PLCB4: variants seen among roughly 807,000 people sequenced by gnomAD.
PLCB4 encodes phospholipase C beta 4, also known as 1-phosphatidylinositol 4,5-bisphosphate phosphodiesterase beta-4.
PLCB4 carries 77 observed loss-of-function variants against 178.8 expected under a neutral mutation model. The ratio of observed to expected loss-of-function variants is 0.43; its 90% CI spans 0.36 to 0.52. The LOEUF is 0.52. PLCB4 is among the 20% of genes least tolerant of loss of function. The probability of loss-of-function intolerance (pLI) is 0.00; values close to 1 mark genes in which losing one functional copy is unlikely to be tolerated. For missense variants in PLCB4, 1,024 were observed against 1,453.4 expected (o/e 0.70, Z 4.80); for synonymous variants, 496 against 490.8 (o/e 1.01, Z -0.14).
At chr20:9,368,787 G>T (rs1195710924) in intron 9 of PLCB4, among the ~76,000 whole-genome samples, 2 of 152,116 alleles carry the variant, frequency 1.3e-5, no homozygotes, top group Non-Finnish European at 2.9e-5. Flanking sequence ...AAGTCCCCCG[G>T]AATAGAATTT....
chr20:9,203,052 A>ATATATAT (rs1555875389), intron 2 of PLCB4, among the ~76,000 whole-genome samples: 2 of 131,214 alleles, frequency 1.5e-5, no homozygotes, highest in African/African-American at 6.6e-5. Context: ...AAAAAAAAAA[A>ATATATAT]AAAAATATAT....
chr20:9,284,216 G>A (rs1253948764), intron 3 of PLCB4, among the ~76,000 whole-genome samples: 1 of 151,948 alleles, frequency 6.6e-6, no homozygotes, highest in Non-Finnish European at 1.5e-5. Context: ...GCCAGGAAAA[G>A]CATCTTAGAT....
At chr20:9,435,310 ATATCAGGAAAAACTTTG>A (rs1341584853) in intron 28 of PLCB4, among the ~76,000 whole-genome samples, 2 of 152,250 alleles carry the variant, frequency 1.3e-5, no homozygotes, top group African/African-American at 4.8e-5. Context: ...TGCCTCCTTC[ATATCAGGAAAAACTTTG>A]TATCAGGAAA....
rs114016488 is a variant in PLCB4 at position 9,449,895 on chromosome 20, G to A, written c.2881-3452G>A. ...GGAAAGGGGCAGAGACACAGCAGTT[G>A]CCCTCAGAGTCCGCCTATTGGTAAT... On this transcript the variant is annotated intron_variant, in intron 32 of 39. Coordinates refer to ENST00000378473, the MANE Select transcript of PLCB4 (RefSeq NM_001377142.1). Among the ~76,000 whole-genome samples, 515 of 152,264 alleles carry A rather than the reference G, an allele frequency of 3.4e-3. 3 individuals carry two copies. Among genetic ancestry groups the A allele is most frequent in the African/African-American group, 0.012 (494 of 41,560 alleles).
At chr20:9,402,296 G>A (rs150431446) in intron 20 of PLCB4, among the ~76,000 whole-genome samples, 3 of 152,310 alleles carry the variant, frequency 2.0e-5, no homozygotes, top group Non-Finnish European at 4.4e-5. Flanking sequence ...AACGCAAAGG[G>A]TCAAGAGGAA....
chr20:9,240,599 C>T (rs1416777770), intron 3 of PLCB4, among the ~76,000 whole-genome samples: 3 of 152,162 alleles, frequency 2.0e-5, no homozygotes, highest in African/African-American at 4.8e-5. Context: ...ATTCCCTGCG[C>T]CAGCTCCAAG....
chr20:9,356,025 A>G (rs1419766634), intron 7 of PLCB4, among the ~76,000 whole-genome samples: 1 of 151,932 alleles, frequency 6.6e-6, no homozygotes, highest in Non-Finnish European at 1.5e-5. Flanking sequence ...TGTGGTTTTG[A>G]TTTGCATTTC....
chr20:9,266,108 G>C (rs1284526148), intron 3 of PLCB4, among the ~76,000 whole-genome samples: 1 of 152,210 alleles, frequency 6.6e-6, no homozygotes, highest in Admixed American at 6.5e-5. Context: ...GCAGCTTCAA[G>C]TGGAAAGGTA....
chr20:9,186,297 T>A (rs1345326067), intron 2 of PLCB4, among the ~76,000 whole-genome samples: 2 of 152,176 alleles, frequency 1.3e-5, no homozygotes, highest in African/African-American at 4.8e-5. Flanking sequence ...GAAAGTTTTT[T>A]AAAAAATAGT....
chr20:9,416,517 G>C (rs772969468), intron 25 of PLCB4, among the ~76,000 whole-genome samples: 3 of 152,142 alleles, frequency 2.0e-5, no homozygotes, highest in African/African-American at 4.8e-5. Flanking sequence ...AGTCTGTGTC[G>C]GTTTTCCTTC....
intron 25 of PLCB4, among the ~76,000 whole-genome samples, chr20:9,417,984 G>A (rs545136348): frequency 1.3e-5 from 2 of 151,938 alleles, no homozygotes; most frequent in South Asian, 2.1e-4. Flanking sequence ...TGTGCTTCTT[G>A]GTTTTTTGTA....
At chr20:9,332,470 T>C (rs147632095) in intron 4 of PLCB4, among the ~76,000 whole-genome samples, 233 of 152,350 alleles carry the variant, frequency 1.5e-3, no homozygotes, top group Non-Finnish European at 2.6e-3. Context: ...TCCCTCAGAT[T>C]TGCTCTGTGA....
chr20:9,071,843 G>C (rs1270332053), intron 1 of PLCB4, among the ~76,000 whole-genome samples: 2 of 152,108 alleles, frequency 1.3e-5, no homozygotes, highest in Non-Finnish European at 2.9e-5. Context: ...CTAAATTTTT[G>C]TTTGTGATCA....
At chr20:9,371,929 T>C (rs1455696058) in intron 10 of PLCB4, among the ~76,000 whole-genome samples, 2 of 152,208 alleles carry the variant, frequency 1.3e-5, no homozygotes, top group Non-Finnish European at 2.9e-5. Context: ...ATTCACAAAA[T>C]AAGCATAATT....
chr20:9,156,851 C>CCTT (rs2092799971), intron 2 of PLCB4, among the ~76,000 whole-genome samples: 3 of 88,956 alleles, frequency 3.4e-5, no homozygotes, highest in Non-Finnish European at 6.7e-5. Context: ...CTCCCTCCCT[C>CCTT]CCTTCCTTCC....
intron 2 of PLCB4, among the ~76,000 whole-genome samples, chr20:9,190,708 C>T (rs545134180): frequency 9.9e-5 from 15 of 152,274 alleles, no homozygotes; most frequent in African/African-American, 3.1e-4. Flanking sequence ...AGGGAGGATG[C>T]AGGCAAGGAG....
intron 1 of PLCB4, among the ~76,000 whole-genome samples, chr20:9,088,485 G>T (rs1210340386): frequency 6.6e-6 from 1 of 152,130 alleles, no homozygotes; most frequent in East Asian, 1.9e-4. Context: ...TAAACCTTCA[G>T]CTACATTTAT....
chr20:9,381,252 GC>G (rs1410385173), intron 13 of PLCB4, among the ~76,000 whole-genome samples: 1 of 152,132 alleles, frequency 6.6e-6, no homozygotes, highest in Non-Finnish European at 1.5e-5. Flanking sequence ...CTTCGCATTG[GC>G]AGGAGGTGAT....
At chr20:9,395,208 T>C (rs2038473100) in intron 18 of PLCB4, among the ~76,000 whole-genome samples, 1 of 152,234 alleles carries the variant, frequency 6.6e-6, no homozygotes, top group Admixed American at 6.5e-5. Flanking sequence ...GCTTTTGTTA[T>C]CTAGCCTTAA....
Sources: gnomAD v4.1 joint callset for allele counts (sites outside exome capture counted in the v4.1 genomes callset) on GRCh38, gnomAD v4.1.1 for gene constraint, MANE v1.5 for transcripts, NCBI Gene and HGNC (gene_info 2026-07-23, HGNC 2026-07-21) for gene names.